Variants in AEBP2 observed in about 807,000 individuals in gnomAD.
The protein encoded by AEBP2 is AE binding protein 2, also known as zinc finger protein AEBP2.
Under a neutral mutation model 50.8 loss-of-function variants are expected in AEBP2, and 10 were observed. That is an observed-to-expected ratio of 0.20 (90% CI 0.12 to 0.33). The LOEUF (loss-of-function observed/expected upper bound fraction) is 0.33, where lower values mean the gene tolerates loss of function less well. AEBP2 is among the 10% of genes least tolerant of loss of function. The pLI, the probability that AEBP2 is intolerant of heterozygous loss-of-function variation, is 1.00. For missense variants in AEBP2, 570 were observed against 688.0 expected, an observed-to-expected ratio of 0.83 and a Z score of 1.92; for synonymous variants, 296 against 261.3, an observed-to-expected ratio of 1.13 and a Z score of -1.28.
chr12:19,447,239 C>T (rs1251640803), intron 1 of AEBP2, among the ~76,000 whole-genome samples: 1 of 152,200 alleles, frequency 6.6e-6, no homozygotes, highest in Non-Finnish European at 1.5e-5. Flanking sequence ...TTATTCTCTT[C>T]ACTTTCTTTC....
intron 1 of AEBP2, among the ~76,000 whole-genome samples, chr12:19,419,840 G>A (rs2095744616): frequency 6.6e-6 from 1 of 150,496 alleles, no homozygotes; most frequent in South Asian, 2.1e-4. Context: ...TGAGGCAGGA[G>A]AATCATTTGA....
chr12:19,497,295 A>G (rs1181903670), intron 4 of AEBP2, among the ~76,000 whole-genome samples: 1 of 148,092 alleles, frequency 6.8e-6, no homozygotes, highest in Admixed American at 6.7e-5. Flanking sequence ...GAACCATGGG[A>G]AAATAGTTTC....
chr12:19,444,114 T>C (rs1948015611), intron 1 of AEBP2, among the ~76,000 whole-genome samples: 1 of 152,164 alleles, frequency 6.6e-6, no homozygotes, highest in Non-Finnish European at 1.5e-5. Context: ...TTTAAAAAAG[T>C]TATGCTCTTA....
At chr12:19,517,921 G>A (rs1211858901) in intron 7 of AEBP2, among the ~76,000 whole-genome samples, 166 bp from the exon 8 acceptor site, 1 of 152,150 alleles carries the variant, frequency 6.6e-6, no homozygotes, top group Non-Finnish European at 1.5e-5. Context: ...ACTATATTAT[G>A]TAACTAAGTA....
chr12:19,499,957 G>T, intron 4 of AEBP2, 140 bp from the exon 5 acceptor site: 1 of 821,004 alleles, frequency 1.2e-6, no homozygotes, highest in Non-Finnish European at 1.9e-6. Flanking sequence ...TTCTTATCTA[G>T]AGTCCATGTT....
intron 1 of AEBP2, among the ~76,000 whole-genome samples, chr12:19,440,955 T>C (rs545128091): frequency 6.6e-6 from 1 of 152,366 alleles, no homozygotes; most frequent in Non-Finnish European, 1.5e-5. Context: ...AACGTGATTT[T>C]AACAATCTTT....
chr12:19,500,013 T>A (rs1411472864), intron 4 of AEBP2, 84 bp from the exon 5 acceptor site: 1 of 1,205,562 alleles, frequency 8.3e-7, no homozygotes, highest in East Asian at 2.6e-5. Flanking sequence ...TTGATAGATA[T>A]GTATTTGTTA....
intron 1 of AEBP2, 95 bp from the exon 2 acceptor site, chr12:19,462,415 G>GA: frequency 1.9e-6 from 2 of 1,034,958 alleles, no homozygotes; most frequent in Non-Finnish European, 2.9e-6. Context: ...ACATGGAGCA[G>GA]AATGTCAAGT....
intron 1 of AEBP2, among the ~76,000 whole-genome samples, chr12:19,461,546 G>T (rs1002449426): frequency 2.0e-5 from 3 of 151,930 alleles, no homozygotes; most frequent in Non-Finnish European, 4.4e-5. Context: ...AGTTTTGCTC[G>T]TTGACCAGGT....
intron 1 of AEBP2, among the ~76,000 whole-genome samples, chr12:19,461,527 T>C (rs1203053077): frequency 6.6e-6 from 1 of 152,120 alleles, no homozygotes; most frequent in Non-Finnish European, 1.5e-5. Flanking sequence ...ATTTTATTTT[T>C]TGAGACGGAG....
chr12:19,408,592 G>A (rs1267564327), intron 1 of AEBP2, among the ~76,000 whole-genome samples: 4 of 151,506 alleles, frequency 2.6e-5, no homozygotes, highest in African/African-American at 9.7e-5. Flanking sequence ...GATTTAATGT[G>A]AATGAATCGC....
intron 1 of AEBP2, among the ~76,000 whole-genome samples, chr12:19,453,910 C>T (rs572528279): frequency 6.7e-5 from 10 of 148,502 alleles, no homozygotes; most frequent in African/African-American, 2.0e-4. Context: ...GATTCTCCCC[C>T]CCTCGGCCTC....
Position 19,462,627 on chromosome 12 carries a change from T to C in AEBP2, c.789T>C (p.Cys263=), listed in dbSNP as rs531911702. 6.2e-7 allele frequency: 1 copy of C among 1,613,990 alleles called. No individual in the cohort carries two copies. Among genetic ancestry groups the C allele is most frequent in the Non-Finnish European group, 8.5e-7 (1 of 1,179,878 alleles). Reference sequence around the variant, plus strand: ...CAAGCAAAAATATTGCCTATAATTGTTGTTGGGACCAGTGCCAGGCTTGCT... The same window carrying C: ...CAAGCAAAAATATTGCCTATAATTGCTGTTGGGACCAGTGCCAGGCTTGCT... ...TSSSKNIAYN[C]CWDQCQACFN... is the part of the protein sequence containing the mutation. The change falls in exon 2 of 8, where the codon TGT becomes TGC. Residue 263 remains cysteine, a synonymous_variant. Coordinates refer to ENST00000266508, the MANE Select transcript of AEBP2 (RefSeq NM_153207.5).
In AEBP2 at chr12:19,440,332, G is replaced by T; in HGVS notation, c.633G>T (p.Ser211=). The T allele has an allele frequency of 6.8e-7, 1 of 1,465,120 alleles. No individual in the cohort carries two copies. Among genetic ancestry groups the T allele is most frequent in the Non-Finnish European group, 9.0e-7 (1 of 1,116,454 alleles). The allele number at this position is 1,465,120 out of a possible 1,614,324, so 90.8% of individuals were successfully genotyped here. ...GGCGGGGCAGCTTGGAGATGTCGTCGGATGGGGAACCCCTGAGCCGCATGG... is the reference window on the plus strand; with the variant it reads ...GGCGGGGCAGCTTGGAGATGTCGTCTGATGGGGAACCCCTGAGCCGCATGG... ...GGRRGSLEMS[S]DGEPLSRMDS... is the part of the protein sequence containing the mutation. Residue 211 remains serine (S), a synonymous_variant, in exon 1 of 8, where the codon TCG becomes TCT. Transcript: ENST00000266508.
upstream of AEBP2, among the ~76,000 whole-genome samples, chr12:19,438,563 T>G (rs1592712961): frequency 6.6e-6 from 1 of 152,158 alleles, no homozygotes; most frequent in South Asian, 2.1e-4. Flanking sequence ...ATTTTGCTTT[T>G]GTGTTTAGTA....
chr12:19,428,095 G>C (rs1447532976), intron 1 of AEBP2, among the ~76,000 whole-genome samples: 2 of 151,872 alleles, frequency 1.3e-5, no homozygotes, highest in Admixed American at 6.6e-5. Context: ...AAAATTAGCT[G>C]GCATGGTGGC....
At chr12:19,501,729 C>T (rs1949080017) in intron 5 of AEBP2, among the ~76,000 whole-genome samples, 1 of 148,896 alleles carries the variant, frequency 6.7e-6, no homozygotes, top group African/African-American at 2.5e-5. Flanking sequence ...TACAAAAGGT[C>T]CTTATTGATA....
intron 7 of AEBP2, 23 bp from the exon 8 acceptor site, chr12:19,518,064 G>C (rs757983455): frequency 6.3e-7 from 1 of 1,587,786 alleles, no homozygotes. Flanking sequence ...TGAATAAAAG[G>C]ATTTCTTTTT....
intron 3 of AEBP2, among the ~76,000 whole-genome samples, chr12:19,478,733 A>G (rs939602543): frequency 1.3e-5 from 2 of 152,198 alleles, no homozygotes; most frequent in African/African-American, 4.8e-5. Flanking sequence ...CTCAAGGATC[A>G]TTCAGGAGCA....
Sources: allele counts gnomAD v4.1 joint callset (sites outside exome capture counted in the v4.1 genomes callset), GRCh38; gene constraint gnomAD v4.1.1; transcripts MANE v1.5; gene names NCBI Gene and HGNC (gene_info 2026-07-23, HGNC 2026-07-21).